Variants in NELL1 observed in about 807,000 individuals in gnomAD.
NELL1 encodes neural EGFL like 1, also known as protein kinase C-binding protein NELL1.
NELL1 carries 76 observed loss-of-function variants against 107.4 expected under a neutral mutation model. The observed-to-expected ratio is 0.71, with a 90% CI of 0.59 to 0.86. The LOEUF (loss-of-function observed/expected upper bound fraction) is 0.86. Ranked by LOEUF, NELL1 falls within the 40% of genes least tolerant of loss-of-function variation. The probability of loss-of-function intolerance (pLI) is 0.00; values close to 1 mark genes in which losing one functional copy is unlikely to be tolerated. For missense variants in NELL1, 1,024 were observed against 1,005.5 expected, an observed-to-expected ratio of 1.02 and a Z score of -0.25; for synonymous variants, 353 against 341.2, an observed-to-expected ratio of 1.03 and a Z score of -0.38.
chr11:20,835,653 A>G (rs1564928206), intron 3 of NELL1, among the ~76,000 whole-genome samples: 1 of 152,248 alleles, frequency 6.6e-6, no homozygotes, highest in Non-Finnish European at 1.5e-5. Flanking sequence ...ACTTGCTTTC[A>G]TAGCATAAGA....
At chr11:20,988,514 C>T (rs571549444) in intron 12 of NELL1, among the ~76,000 whole-genome samples, 11 of 148,124 alleles carry the variant, frequency 7.4e-5, no homozygotes, top group Non-Finnish European at 1.2e-4. Flanking sequence ...TGTATATATA[C>T]ATATCTATCT....
At chr11:21,446,581 A>G (rs1853439127) in intron 15 of NELL1, among the ~76,000 whole-genome samples, 2 of 152,182 alleles carry the variant, frequency 1.3e-5, no homozygotes, top group African/African-American at 4.8e-5. Context: ...CAAGTCCAGT[A>G]ATGCTGTAGT....
intron 13 of NELL1, among the ~76,000 whole-genome samples, chr11:21,135,392 A>G (rs1855723155): frequency 6.6e-6 from 1 of 152,220 alleles, no homozygotes; most frequent in Non-Finnish European, 1.5e-5. Context: ...TGCAGTACAG[A>G]TACCCAGAAA....
At chr11:21,029,361 T>C (rs1362677307) in intron 12 of NELL1, among the ~76,000 whole-genome samples, 1 of 152,170 alleles carries the variant, frequency 6.6e-6, no homozygotes, top group Admixed American at 6.6e-5. Context: ...TTTTTATCTT[T>C]CGTCAATTTG....
intron 4 of NELL1, among the ~76,000 whole-genome samples, chr11:20,868,106 G>C (rs1262304632): frequency 1.3e-5 from 2 of 152,154 alleles, no homozygotes; most frequent in African/African-American, 2.4e-5. Context: ...TGTGATGTGA[G>C]AGCAGATGTT....
chr11:21,341,466 G>A (rs971952270), intron 14 of NELL1, among the ~76,000 whole-genome samples: 2 of 152,182 alleles, frequency 1.3e-5, no homozygotes, highest in African/African-American at 4.8e-5. Context: ...GGAAACTCAG[G>A]CATTTGTAAA....
At chr11:21,292,645 A>C (rs1028654306) in intron 14 of NELL1, among the ~76,000 whole-genome samples, 1 of 152,196 alleles carries the variant, frequency 6.6e-6, no homozygotes, top group African/African-American at 2.4e-5. Context: ...AAAAAGAACA[A>C]AGCTGGAGGC....
At chr11:21,382,333 T>C (rs1239131897) in intron 15 of NELL1, among the ~76,000 whole-genome samples, 1 of 151,970 alleles carries the variant, frequency 6.6e-6, no homozygotes, top group Non-Finnish European at 1.5e-5. Flanking sequence ...CTTTGGGACG[T>C]AGAAATCCTT....
At chr11:21,213,688 T>C (rs1057222602) in intron 13 of NELL1, among the ~76,000 whole-genome samples, 13 of 151,956 alleles carry the variant, frequency 8.6e-5, no homozygotes, top group Admixed American at 3.9e-4. Context: ...AACAGACAAA[T>C]ACAAATATAA....
In NELL1 at chr11:21,516,996, G is replaced by T. The variant is rs1261039691; in HGVS notation, c.1646-17378G>T. ...GTAGAGACGGGGTTTCACCATGTTG[G>T]CCAGGCTGGTTTCAAACTCCTGACC... On this transcript the variant is annotated intron_variant, in intron 15 of 19. Coordinates refer to ENST00000357134, the MANE Select transcript of NELL1 (RefSeq NM_006157.5). Among the ~76,000 whole-genome samples the T allele has an allele frequency of 5.3e-5, 8 of 152,060 alleles. No homozygotes were observed. The South Asian group carries it at 1.5e-3, about 28-fold the overall frequency.
intron 12 of NELL1, among the ~76,000 whole-genome samples, chr11:21,088,876 T>C (rs1210262772): frequency 6.6e-6 from 1 of 152,160 alleles, no homozygotes; most frequent in Middle Eastern, 3.2e-3. Context: ...CTAAAGGTTG[T>C]TGGGGTCATG....
At chr11:21,408,452 G>A (rs4379844) in intron 15 of NELL1, among the ~76,000 whole-genome samples, 12,677 of 152,060 alleles carry the variant, frequency 0.083, 676 homozygotes, top group Non-Finnish European at 0.11. Flanking sequence ...AGGGCTTTGA[G>A]TTCTTTTGCT....
intron 15 of NELL1, among the ~76,000 whole-genome samples, chr11:21,455,271 T>C (rs1853696661): frequency 6.6e-6 from 1 of 151,436 alleles, no homozygotes; most frequent in Non-Finnish European, 1.5e-5. Context: ...TTTTACATAA[T>C]GTGACTTTTT....
chr11:20,855,888 A>ACAAAAG (rs1447798221), intron 4 of NELL1, among the ~76,000 whole-genome samples: 2 of 152,248 alleles, frequency 1.3e-5, no homozygotes, highest in Non-Finnish European at 2.9e-5. Flanking sequence ...AAAAACAAAA[A>ACAAAAG]CAAAACAAAG....
chr11:21,114,351 T>C (rs1243341136), intron 13 of NELL1, among the ~76,000 whole-genome samples: 1 of 151,934 alleles, frequency 6.6e-6, no homozygotes, highest in African/African-American at 2.4e-5. Context: ...ATAAGGGTGG[T>C]AGAAGATTCC....
chr11:20,804,490 C>A (rs1221152529), intron 3 of NELL1, among the ~76,000 whole-genome samples: 2 of 152,212 alleles, frequency 1.3e-5, no homozygotes, highest in Admixed American at 1.3e-4. Flanking sequence ...CCTGCCTCAG[C>A]CTCCCAAAGT....
chr11:21,422,092 CATATGTGTGT>C (rs61514680), intron 15 of NELL1, among the ~76,000 whole-genome samples: 5,317 of 50,036 alleles, frequency 0.11, 280 homozygotes, highest in African/African-American at 0.2. Context: ...GACATTTACA[CATATGTGTGT>C]GTGTGTGTGT....
intron 15 of NELL1, among the ~76,000 whole-genome samples, chr11:21,392,299 G>C (rs1261821757): frequency 6.6e-6 from 1 of 151,690 alleles, no homozygotes; most frequent in Non-Finnish European, 1.5e-5. Flanking sequence ...TAGCTTCACT[G>C]TTCCCCATAG....
chr11:20,740,290 C>T (rs1855861668), intron 2 of NELL1, among the ~76,000 whole-genome samples: 1 of 152,278 alleles, frequency 6.6e-6, no homozygotes, highest in East Asian at 1.9e-4. Flanking sequence ...ACTGTCACTC[C>T]TCAAACTAGG....
Sources: gnomAD v4.1 joint callset for allele counts (sites outside exome capture counted in the v4.1 genomes callset) on GRCh38, gnomAD v4.1.1 for gene constraint, MANE v1.5 for transcripts, NCBI Gene and HGNC (gene_info 2026-07-23, HGNC 2026-07-21) for gene names.